The following CLINT1 variants were observed in gnomAD, a reference collection of about 807,000 sequenced individuals.
CLINT1 encodes the protein clathrin interacting protein localized in the trans-Golgi region.
A neutral mutation model predicts 70.4 loss-of-function variants in CLINT1; 15 were observed. The ratio of observed to expected loss-of-function variants is 0.21; its 90% confidence interval spans 0.14 to 0.33. The LOEUF (loss-of-function observed/expected upper bound fraction) is 0.33. CLINT1 is among the 10% of genes least tolerant of loss of function. CLINT1 has a pLI of 1.00. For synonymous variants in CLINT1, 227 were observed against 254.7 expected, an observed-to-expected ratio of 0.89 and a Z score of 1.04; for missense variants, 615 against 778.1, an observed-to-expected ratio of 0.79 and a Z score of 2.49.
chr5:157,849,718 T>C (rs1272120198), intron 1 of CLINT1, among the ~76,000 whole-genome samples: 2 of 152,212 alleles, frequency 1.3e-5, no homozygotes, highest in East Asian at 1.9e-4. Flanking sequence ...ATAAGAAAAT[T>C]GAACATAACA....
intron 1 of CLINT1, among the ~76,000 whole-genome samples, chr5:157,850,462 T>C (rs1753534019): frequency 6.6e-6 from 1 of 151,590 alleles, no homozygotes; most frequent in Non-Finnish European, 1.5e-5. Flanking sequence ...CTACAAAAAA[T>C]TAGCCGGGCA....
chr5:157,837,320 G>A (rs1018555308), intron 1 of CLINT1, among the ~76,000 whole-genome samples: 1 of 152,044 alleles, frequency 6.6e-6, no homozygotes, highest in Non-Finnish European at 1.5e-5. Flanking sequence ...AGGCCGCAGT[G>A]GGCTAGATTG....
intron 1 of CLINT1, chr5:157,823,793 C>T (rs1458022266): frequency 1.6e-5 from 11 of 675,416 alleles, no homozygotes; most frequent in East Asian, 2.7e-4. Flanking sequence ...AGTTGCGGAC[C>T]GGCCTGTTGG....
rs1761761208 is a variant in CLINT1, at chr5:157,787,492, T to C, written c.*154A>G. 1.4e-6 allele frequency: 1 copy of C among 695,930 alleles called. No individual in the cohort carries two copies. Among genetic ancestry groups the C allele is most frequent in the Non-Finnish European group, 2.4e-6 (1 of 419,560 alleles). 43.1% of individuals were successfully genotyped at this position (695,930 alleles called of 1,614,324 possible). ...GCCTGGCCCTCTGAAATACTGGATATTTCACTTTTATAAAACAGCCTTTTT... is the reference window on the plus strand; with the variant it reads ...GCCTGGCCCTCTGAAATACTGGATACTTCACTTTTATAAAACAGCCTTTTT... On this transcript the variant is annotated 3_prime_UTR_variant, in exon 12 of 12. Transcript: ENST00000411809.
intron 11 of CLINT1, among the ~76,000 whole-genome samples, chr5:157,788,922 GCAC>G (rs1761810969): frequency 1.4e-5 from 2 of 142,630 alleles, no homozygotes; most frequent in African/African-American, 5.2e-5. Context: ...AGCTGAGATT[GCAC>G]CACTGCACTC....
intron 5 of CLINT1, 76 bp downstream of exon 5, chr5:157,812,987 G>A (rs1762608379): frequency 7.0e-7 from 1 of 1,423,142 alleles, no homozygotes; most frequent in East Asian, 2.3e-5. Context: ...TTTGGTCTTT[G>A]GTATTTCACT....
rs1048249436 is a variant in CLINT1 at position 157,787,511 on chromosome 5, C to A, written c.*135G>T. ...TGGATATTTCACTTTTATAAAACAGCCTTTTTGGTTCTTTATGTAGATTTA... is the reference window on the plus strand; with the variant it reads ...TGGATATTTCACTTTTATAAAACAGACTTTTTGGTTCTTTATGTAGATTTA... On this transcript the variant is annotated 3_prime_UTR_variant, in exon 12 of 12. Coordinates refer to ENST00000411809, the MANE Select transcript of CLINT1 (RefSeq NM_014666.4). 1.3e-6 allele frequency: 1 copy of A among 786,782 alleles called. No homozygotes were observed. Among genetic ancestry groups the A allele is most frequent in the Non-Finnish European group, 2.0e-6 (1 of 491,642 alleles). 48.7% of individuals were successfully genotyped at this position (786,782 alleles called of 1,614,324 possible). A position where few individuals can be genotyped will look rare whatever the true frequency, so the allele number is the denominator to read the frequency against.
rs1762733828 is a variant in CLINT1, at chr5:157,816,738, T to C, written c.239A>G (p.Tyr80Cys). 3.1e-6 allele frequency: 5 copies of C among 1,605,822 alleles called. No individual in the cohort carries two copies. The East Asian group carries it at 1.1e-4, about 36-fold the overall frequency. ...KDNKKNWRRV[Y>C]KSLLLLAYLI... ...AAAGCAGACTTGTGTCCATACCTTA[T>C]AAACTCTTCTCCAATTCTTTTTGTT... Residue 80 changes from tyrosine (Y) to cysteine (C), a missense_variant, in exon 3 of 12, where the codon TAT becomes TGT. By Grantham distance (194) the Tyr-to-Cys change is radical (BLOSUM62 -2). Around this residue, in one of 2 missense-constraint regions of CLINT1, gnomAD observed 241 missense variants for 368.6 expected, o/e 0.65. Coordinates refer to ENST00000411809, the MANE Select transcript of CLINT1 (RefSeq NM_014666.4).
intron 1 of CLINT1, among the ~76,000 whole-genome samples, chr5:157,822,142 T>C (rs1448650144): frequency 2.0e-5 from 3 of 152,152 alleles, no homozygotes; most frequent in African/African-American, 4.8e-5. Context: ...GGGAGATAAT[T>C]TGAATCATGA....
chr5:157,858,760 C>A (rs892451126), intron 1 of CLINT1, among the ~76,000 whole-genome samples, 170 bp downstream of exon 1: 2 of 152,174 alleles, frequency 1.3e-5, no homozygotes, highest in Non-Finnish European at 2.9e-5. Flanking sequence ...CCTCCCCAGC[C>A]TCGCCAGCGG....
chr5:157,791,838 A>G lies in CLINT1; in HGVS notation c.1245T>C (p.Pro415=), dbSNP rs1761920270. The change falls in exon 10 of 12, where the codon CCT becomes CCC. Residue 415 remains proline, a synonymous_variant. Transcript: ENST00000411809. ...SGSQSALGPP[P]AASNSSDLFD... ...ACAGGTCTGAAGAATTTGAGGCAGCAGGAGGTGGGCCTAGAGCTGATTGTG... is the reference window on the plus strand; with the variant it reads ...ACAGGTCTGAAGAATTTGAGGCAGCGGGAGGTGGGCCTAGAGCTGATTGTG... The G allele has an allele frequency of 6.2e-7, 1 of 1,614,000 alleles. No individual in the cohort carries two copies.
intron 9 of CLINT1, 110 bp from the exon 10 acceptor site, chr5:157,792,105 C>T (rs1761932166): frequency 1.1e-5 from 9 of 837,984 alleles, no homozygotes; most frequent in Admixed American, 2.6e-5. Context: ...CCCAGATTAA[C>T]ATCTGCAGGT....
At chr5:157,831,947 C>T (rs749926186) in intron 1 of CLINT1, among the ~76,000 whole-genome samples, 3 of 151,388 alleles carry the variant, frequency 2.0e-5, no homozygotes, top group Non-Finnish European at 2.9e-5. Context: ...CCGCCCACCT[C>T]GGCCTCCCAA....
At chr5:157,807,508 A>AT (rs1239406210) in intron 6 of CLINT1, among the ~76,000 whole-genome samples, 2 of 152,234 alleles carry the variant, frequency 1.3e-5, no homozygotes, top group East Asian at 3.9e-4. Flanking sequence ...TAGTGAACTA[A>AT]TAAGTATGAA....
At chr5:157,801,468 T>C (rs2011378732) in intron 8 of CLINT1, among the ~76,000 whole-genome samples, 2 of 151,816 alleles carry the variant, frequency 1.3e-5, no homozygotes, top group South Asian at 4.1e-4. Flanking sequence ...GACTGTGTAC[T>C]GCACTCCAGC....
chr5:157,833,720 C>T (rs1040767720), intron 1 of CLINT1, among the ~76,000 whole-genome samples: 3 of 152,060 alleles, frequency 2.0e-5, no homozygotes, highest in African/African-American at 7.2e-5. Context: ...AGGTGGATCA[C>T]TTGAGCCTCA....
At position 157,800,345 on chromosome 5, in the gene CLINT1, T is replaced by C. The variant is rs200522326; in HGVS notation, c.1012+3305A>G. On this transcript the variant is annotated intron_variant, in intron 8 of 11. Coordinates refer to ENST00000411809, the MANE Select transcript of CLINT1 (RefSeq NM_014666.4). ...GTTTGTGCCCACATTACTTGCATGA[T>C]GGTACTATTATAAATATGGGCACAT... Among the ~76,000 whole-genome samples, 9 of 152,292 alleles carry C rather than the reference T, an allele frequency of 5.9e-5. No individual in the cohort carries two copies. In the East Asian group the frequency reaches 1.7e-3, roughly 29 times the overall value.
Position 157,836,257 on chromosome 5 carries a change from A to G in CLINT1, c.42-18710T>C, listed in dbSNP as rs1763419514. On this transcript the variant is annotated intron_variant, in intron 1 of 11. Coordinates refer to ENST00000411809, the MANE Select transcript of CLINT1 (RefSeq NM_014666.4). ...TTCATTTAATCTTCCTAACAACTCT[A>G]TGAGGCAGCTACTATTACTATCCCC... 2.6e-5 allele frequency among the ~76,000 whole-genome samples: 4 copies of G among 152,318 alleles called. No individual in the cohort carries two copies. The South Asian group carries it at 6.2e-4, about 24-fold the overall frequency.
At chr5:157,840,279 A>G (rs1056277342) in intron 1 of CLINT1, among the ~76,000 whole-genome samples, 1 of 150,264 alleles carries the variant, frequency 6.7e-6, no homozygotes, top group African/African-American at 2.4e-5. Flanking sequence ...ACTGACTTGT[A>G]GTTTCCAAAA....
Sources: allele counts gnomAD v4.1 joint callset (sites outside exome capture counted in the v4.1 genomes callset), GRCh38; gene constraint gnomAD v4.1.1; regional missense constraint gnomAD v4.1.1; transcripts MANE v1.5; gene names NCBI Gene and HGNC (gene_info 2026-07-23, HGNC 2026-07-21).